Variants in SLC22A23 observed in about 807,000 individuals in gnomAD.
The protein encoded by SLC22A23 is solute carrier family 22 member 23.
In SLC22A23, 26 loss-of-function variants were observed where a neutral mutation model predicts 61.0. The observed-to-expected ratio is 0.43, with a 90% CI of 0.31 to 0.59. The LOEUF is 0.59. Among genes scored for constraint, SLC22A23 ranks in the 20% least tolerant of loss-of-function variants. SLC22A23 has a pLI of 0.11. For synonymous variants in SLC22A23, 430 were observed against 413.9 expected (o/e 1.04, Z -0.47); for missense variants, 796 against 934.7 (o/e 0.85, Z 1.94).
chr6:3,281,841 T>C (rs1381001747), intron 9 of SLC22A23, among the ~76,000 whole-genome samples: 3 of 152,112 alleles, frequency 2.0e-5, no homozygotes, highest in African/African-American at 7.2e-5. Context: ...TTGGACTTAA[T>C]TTCCTTTCAT....
chr6:3,323,792 T>A, intron 4 of SLC22A23, 42 bp downstream of exon 4: 1 of 1,575,342 alleles, frequency 6.3e-7, no homozygotes, highest in Non-Finnish European at 8.6e-7. Context: ...AGGAAGCATG[T>A]GCAGTCGCAC....
At chr6:3,295,336 C>G (rs189010113) in intron 5 of SLC22A23, among the ~76,000 whole-genome samples, 2 of 152,072 alleles carry the variant, frequency 1.3e-5, no homozygotes, top group Non-Finnish European at 2.9e-5. Context: ...GAGTGTGCAC[C>G]GGGAGGGACC....
intron 4 of SLC22A23, among the ~76,000 whole-genome samples, chr6:3,298,996 A>AAAAAATT (rs1761374647): frequency 6.9e-6 from 1 of 144,966 alleles, no homozygotes; most frequent in Non-Finnish European, 1.5e-5. Context: ...AAAAAAAAAA[A>AAAAAATT]TGTTCCCAAC....
At chr6:3,430,553 T>C (rs9503593) in intron 1 of SLC22A23, among the ~76,000 whole-genome samples, 86,321 of 151,998 alleles carry the variant, frequency 0.57, 24,798 homozygotes, top group Middle Eastern at 0.75. Context: ...TGGTCACGTA[T>C]TGAGTGCCAC....
rs776992183 is a variant in SLC22A23, at chr6:3,324,385, G to A, written c.914-383C>T. 7.2e-5 allele frequency among the ~76,000 whole-genome samples: 11 copies of A among 152,128 alleles called. No homozygotes were observed. Among genetic ancestry groups the A allele is most frequent in the South Asian group, 6.2e-4 (3 of 4,822 alleles). Reference sequence around the variant, plus strand: ...GTTCCCCCCTCGTGCCCATCCTGTCGCCATTCCTTCCTGTCCATGATGCTG... The same window carrying A: ...GTTCCCCCCTCGTGCCCATCCTGTCACCATTCCTTCCTGTCCATGATGCTG... On this transcript the variant is annotated intron_variant, in intron 3 of 9. Transcript: ENST00000406686. This position sits in a 1 kb window ranked among gnomAD's most constrained non-coding sequence, Gnocchi z 4.3.
chr6:3,283,107 C>G (rs1361150781), intron 9 of SLC22A23, among the ~76,000 whole-genome samples: 1 of 152,172 alleles, frequency 6.6e-6, no homozygotes, highest in Non-Finnish European at 1.5e-5. Flanking sequence ...GCTTTGGATT[C>G]ATGACATCAA....
chr6:3,349,059 A>G (rs1230904034), intron 3 of SLC22A23, among the ~76,000 whole-genome samples: 1 of 152,198 alleles, frequency 6.6e-6, no homozygotes, highest in African/African-American at 2.4e-5. Context: ...GCAGGATGAC[A>G]AGGAAGGGGG....
intron 1 of SLC22A23, among the ~76,000 whole-genome samples, chr6:3,449,335 C>T (rs1029188199): frequency 6.6e-5 from 10 of 152,280 alleles, no homozygotes; most frequent in African/African-American, 1.9e-4. Flanking sequence ...CCAAACCATA[C>T]GTTTCTACAT....
Position 3,323,948 on chromosome 6 carries a change from A to T in SLC22A23, c.968T>A (p.Phe323Tyr), listed in dbSNP as rs1370863969. 1.9e-6 allele frequency: 3 copies of T among 1,614,226 alleles called. No individual in the cohort carries two copies. Among genetic ancestry groups the T allele is most frequent in the Non-Finnish European group, 2.5e-6 (3 of 1,180,044 alleles). Reference protein sequence around the residue: ...KRFMITMVASFVAMAGQFLMP... With the variant: ...KRFMITMVASYVAMAGQFLMP... ...GAGGAACTGGCCCGCCATGGCCACG[A>T]AGCTCGCCACCATCGTAATCATGAA... is the stretch of plus-strand genomic sequence containing the variant. The change falls in exon 4 of 10, where the codon TTC becomes TAC. Residue 323 changes from phenylalanine to tyrosine, a missense_variant. By Grantham distance (22) the Phe-to-Tyr change is conservative. Transcript: ENST00000406686.
At position 3,317,294 on chromosome 6, in the gene SLC22A23, G is replaced by C. The variant is rs1369558051; in HGVS notation, c.1082+6540C>G. ...ACAAGGGCTCCCAGCTGAGGAAGGAGCTCTGTCATTAAGCCATGTGCCCAG... is the reference window on the plus strand; with the variant it reads ...ACAAGGGCTCCCAGCTGAGGAAGGACCTCTGTCATTAAGCCATGTGCCCAG... On this transcript the variant is annotated intron_variant, in intron 4 of 9. Coordinates refer to ENST00000406686, the MANE Select transcript of SLC22A23 (RefSeq NM_015482.2). The surrounding 1 kb of genome is among the most constrained non-coding windows in gnomAD (Gnocchi z 4.4). 1.3e-5 allele frequency among the ~76,000 whole-genome samples: 2 copies of C among 152,192 alleles called. No homozygotes were observed. Among genetic ancestry groups the C allele is most frequent in the African/African-American group, 4.8e-5 (2 of 41,444 alleles).
rs542367254 is a variant in SLC22A23 at position 3,373,469 on chromosome 6, T to C, written c.913+36719A>G. On this transcript the variant is annotated intron_variant, in intron 3 of 9. Coordinates refer to ENST00000406686, the MANE Select transcript of SLC22A23 (RefSeq NM_015482.2). ...TTATTCAGCCAACCTGGGGGTGGTC[T>C]TGGGGACCCCTGACACAGCCATCCT... Among the ~76,000 whole-genome samples the C allele has an allele frequency of 2.6e-5, 4 of 152,322 alleles. No individual in the cohort carries two copies. The South Asian group carries it at 8.3e-4, about 32-fold the overall frequency.
intron 3 of SLC22A23, among the ~76,000 whole-genome samples, chr6:3,398,454 A>AT (rs1219591163): frequency 0.19 from 23,805 of 127,194 alleles, 2,233 homozygotes; most frequent in Non-Finnish European, 0.21. Flanking sequence ...ACAAAGCACT[A>AT]TTTTTTTTTT....
chr6:3,375,636 G>T, intron 3 of SLC22A23, among the ~76,000 whole-genome samples: 1 of 152,186 alleles, frequency 6.6e-6, no homozygotes, highest in Admixed American at 6.5e-5. Context: ...CCACAGAGGG[G>T]ATTTAAAGCC....
In SLC22A23 at chr6:3,333,927, A is replaced by C. The variant is rs1763712348; in HGVS notation, c.914-9925T>G. Among the ~76,000 whole-genome samples the C allele has an allele frequency of 6.6e-6, 1 of 152,238 alleles. No individual in the cohort carries two copies. On this transcript the variant is annotated intron_variant, in intron 3 of 9. Transcript: ENST00000406686. The surrounding 1 kb of genome is among the most constrained non-coding windows in gnomAD (Gnocchi z 4.1). ...TATACTTTGCAAATATTAGCCACTG[A>C]ATCCTCCTCATAAGCGGATGAGGTT...
At chr6:3,348,245 G>A (rs1764558896) in intron 3 of SLC22A23, among the ~76,000 whole-genome samples, 1 of 152,244 alleles carries the variant, frequency 6.6e-6, no homozygotes, top group Non-Finnish European at 1.5e-5. Flanking sequence ...ATGTGGGGAA[G>A]TGAGGAAGGG....
At chr6:3,424,919 AG>A in intron 1 of SLC22A23, among the ~76,000 whole-genome samples, 1 of 152,350 alleles carries the variant, frequency 6.6e-6, no homozygotes, top group Admixed American at 6.5e-5. Context: ...CCTTGAAGAA[AG>A]GGACCATGTC....
chr6:3,280,580 C>T (rs548506112), intron 9 of SLC22A23, among the ~76,000 whole-genome samples: 143 of 140,188 alleles, frequency 1.0e-3, no homozygotes, highest in Non-Finnish European at 1.8e-3. Context: ...ACTGTAAGCT[C>T]CGCCTCCTGG....
chr6:3,334,698 T>C (rs1763755992), intron 3 of SLC22A23, among the ~76,000 whole-genome samples: 1 of 152,204 alleles, frequency 6.6e-6, no homozygotes, highest in African/African-American at 2.4e-5. Flanking sequence ...CGCCGGGTGC[T>C]AGGGGCGGAG....
intron 3 of SLC22A23, among the ~76,000 whole-genome samples, chr6:3,325,962 C>T (rs757167519): frequency 1.3e-5 from 2 of 152,222 alleles, no homozygotes; most frequent in Non-Finnish European, 2.9e-5. Flanking sequence ...CTCTTCAATA[C>T]CTCTCTTTAG....
Sources: gnomAD v4.1 joint callset for allele counts (sites outside exome capture counted in the v4.1 genomes callset) on GRCh38, gnomAD v4.1.1 for gene constraint, Gnocchi (gnomAD v3.1) non-coding constraint, MANE v1.5 for transcripts, NCBI Gene and HGNC (gene_info 2026-07-23, HGNC 2026-07-21) for gene names.